SLC24A2: variants seen among roughly 807,000 people sequenced by gnomAD.
SLC24A2 encodes sodium/potassium/calcium exchanger 2.
A neutral mutation model predicts 62.0 loss-of-function variants in SLC24A2; 36 were observed. That is an observed-to-expected ratio of 0.58 (90% CI 0.44 to 0.77). The LOEUF is 0.77. SLC24A2 is among the 30% of genes least tolerant of loss of function. The pLI is 0.00. For synonymous variants in SLC24A2, 358 were observed against 294.0 expected, an observed-to-expected ratio of 1.22 and a Z score of -2.23; for missense variants, 846 against 817.9, an observed-to-expected ratio of 1.03 and a Z score of -0.42.
At chr9:19,544,939 G>A (rs1834473916) in intron 8 of SLC24A2, among the ~76,000 whole-genome samples, 2 of 152,094 alleles carry the variant, frequency 1.3e-5, no homozygotes, top group Non-Finnish European at 1.5e-5. Context: ...TCTTTGTGGT[G>A]TTCTCTGTAT....
At chr9:20,246,891 C>T in the SLC24A2 span, among the ~76,000 whole-genome samples, 1 of 152,226 alleles carries the variant, frequency 6.6e-6, no homozygotes, top group Non-Finnish European at 1.5e-5. Flanking sequence ...CCACTGCCAA[C>T]ACCAATGCAA....
chr9:20,225,562 A>ATATATATATATACTATATATAT, the SLC24A2 span, among the ~76,000 whole-genome samples: 1 of 71,872 alleles, frequency 1.4e-5, no homozygotes, highest in East Asian at 1.1e-3. Context: ...TATATATATT[A>ATATATATATATACTATATATAT]TATATATATA....
chr9:19,902,391 G>A, the SLC24A2 span, among the ~76,000 whole-genome samples: 1 of 152,146 alleles, frequency 6.6e-6, no homozygotes, highest in Non-Finnish European at 1.5e-5. Flanking sequence ...AAAGCCTTAT[G>A]CCTACACCTT....
chr9:19,966,041 T>G, the SLC24A2 span, among the ~76,000 whole-genome samples: 1 of 152,214 alleles, frequency 6.6e-6, no homozygotes, highest in Non-Finnish European at 1.5e-5. Flanking sequence ...TTATTCCTCC[T>G]TTTGATTGGC....
chr9:19,858,312 T>C, the SLC24A2 span, among the ~76,000 whole-genome samples: 1 of 152,110 alleles, frequency 6.6e-6, no homozygotes, highest in African/African-American at 2.4e-5. Context: ...ATGAAAGATA[T>C]TGGAATTGGA....
chr9:19,648,791 G>A (rs1186751661), intron 2 of SLC24A2, among the ~76,000 whole-genome samples: 1 of 151,830 alleles, frequency 6.6e-6, no homozygotes, highest in African/African-American at 2.4e-5. Flanking sequence ...TCTATAAAAG[G>A]GTCAATCTGT....
the SLC24A2 span, among the ~76,000 whole-genome samples, chr9:19,888,855 C>T: frequency 1.3e-5 from 2 of 152,168 alleles, no homozygotes; most frequent in African/African-American, 2.4e-5. Context: ...ACAAGGACAA[C>T]TGGAACCCAT....
the SLC24A2 span, among the ~76,000 whole-genome samples, chr9:19,799,437 T>G: frequency 5.9e-5 from 9 of 152,232 alleles, no homozygotes; most frequent in Non-Finnish European, 1.2e-4. Flanking sequence ...ATCCATATTG[T>G]GTCCTTTACT....
At chr9:19,646,654 G>A (rs1818644706) in intron 2 of SLC24A2, among the ~76,000 whole-genome samples, 1 of 152,182 alleles carries the variant, frequency 6.6e-6, no homozygotes, top group Non-Finnish European at 1.5e-5. Flanking sequence ...TGCTTAGGCA[G>A]ATAGGAATAA....
the SLC24A2 span, among the ~76,000 whole-genome samples, chr9:19,935,396 TAAAC>T: frequency 9.8e-4 from 133 of 135,652 alleles, 1 homozygote; most frequent in African/African-American, 2.9e-3. Flanking sequence ...ACAAAACAAA[TAAAC>T]AAACAAAACA....
the SLC24A2 span, among the ~76,000 whole-genome samples, chr9:19,958,457 C>A: frequency 2.4e-4 from 36 of 152,300 alleles, no homozygotes; most frequent in African/African-American, 6.7e-4. Context: ...CAGACAGAGG[C>A]TTTATGGTGC....
the SLC24A2 span, among the ~76,000 whole-genome samples, chr9:19,873,344 T>C: frequency 6.6e-6 from 1 of 151,600 alleles, no homozygotes; most frequent in South Asian, 2.1e-4. Flanking sequence ...TCTTTTCTTT[T>C]CCTTTCTTTC....
At chr9:19,633,286 T>A (rs774938519) in intron 2 of SLC24A2, among the ~76,000 whole-genome samples, 4 of 152,250 alleles carry the variant, frequency 2.6e-5, no homozygotes, top group Non-Finnish European at 4.4e-5. Context: ...TCTGTGTAAC[T>A]ATGTTTCATT....
chr9:20,290,751 T>C, the SLC24A2 span, among the ~76,000 whole-genome samples: 24,154 of 152,118 alleles, frequency 0.16, 2,550 homozygotes, highest in East Asian at 0.33. Flanking sequence ...GCTGTGGAAG[T>C]CCAGTGCAGG....
the SLC24A2 span, among the ~76,000 whole-genome samples, chr9:20,057,739 T>C: frequency 6.6e-6 from 1 of 152,214 alleles, no homozygotes; most frequent in East Asian, 1.9e-4. Flanking sequence ...ATCCATTTCA[T>C]TTGTTTAGTA....
the SLC24A2 span, among the ~76,000 whole-genome samples, chr9:20,207,227 C>G: frequency 1.3e-5 from 2 of 152,034 alleles, no homozygotes; most frequent in Admixed American, 1.3e-4. Context: ...AGAAAAATTC[C>G]AGCAATTACA....
chr9:20,230,085 A>G, the SLC24A2 span, among the ~76,000 whole-genome samples: 3 of 152,152 alleles, frequency 2.0e-5, no homozygotes, highest in Non-Finnish European at 2.9e-5. Context: ...ATGGCTGCAT[A>G]GTATTCCATG....
chr9:20,070,625 C>G, the SLC24A2 span, among the ~76,000 whole-genome samples: 1 of 152,166 alleles, frequency 6.6e-6, no homozygotes, highest in East Asian at 1.9e-4. Context: ...CAAAGTCTTT[C>G]ATGAAAATCA....
the SLC24A2 span, among the ~76,000 whole-genome samples, chr9:20,247,647 T>G: frequency 2.0e-5 from 3 of 152,168 alleles, no homozygotes; most frequent in African/African-American, 7.2e-5. Flanking sequence ...GAAACAAATT[T>G]CTATTGTTGG....
Sources: gnomAD v4.1 joint callset for allele counts (sites outside exome capture counted in the v4.1 genomes callset) on GRCh38, gnomAD v4.1.1 for gene constraint, MANE v1.5 for transcripts, NCBI Gene and HGNC (gene_info 2026-07-23, HGNC 2026-07-21) for gene names.